VAV2: variants seen among roughly 807,000 people sequenced by gnomAD.
VAV2 encodes the protein vav guanine nucleotide exchange factor 2.
Under a neutral mutation model 132.5 loss-of-function variants are expected in VAV2, and 67 were observed. That is an observed-to-expected ratio of 0.51 (90% CI 0.42 to 0.62). The LOEUF (loss-of-function observed/expected upper bound fraction) is 0.62. VAV2 is among the 20% of genes least tolerant of loss of function. VAV2 has a pLI of 0.00. For synonymous variants in VAV2, 492 were observed against 443.5 expected, an observed-to-expected ratio of 1.11 and a Z score of -1.37; for missense variants, 938 against 1,153.6, an observed-to-expected ratio of 0.81 and a Z score of 2.71.
At chr9:133,973,615 G>A (rs1479833649) in intron 1 of VAV2, among the ~76,000 whole-genome samples, 1 of 147,008 alleles carries the variant, frequency 6.8e-6, no homozygotes, top group Non-Finnish European at 1.5e-5. Flanking sequence ...TACAGAGAAG[G>A]AAGATGACTT....
At chr9:133,869,544 A>T (rs1164715199) in intron 2 of VAV2, among the ~76,000 whole-genome samples, 5 of 152,278 alleles carry the variant, frequency 3.3e-5, no homozygotes, top group Non-Finnish European at 7.4e-5. Context: ...CAGGAGGTCG[A>T]AGCTGCAGTG....
In VAV2 at chr9:133,804,321, G is replaced by T. The variant is rs1056953692; in HGVS notation, c.836+1760C>A. Among the ~76,000 whole-genome samples, 5 of 152,236 alleles carry T rather than the reference G, an allele frequency of 3.3e-5. No homozygotes were observed. Among genetic ancestry groups the T allele is most frequent in the Admixed American group, 3.3e-4 (5 of 15,290 alleles). On this transcript the variant is annotated intron_variant, in intron 9 of 29. Transcript: ENST00000371850. This position sits in a 1 kb window ranked among gnomAD's most constrained non-coding sequence, Gnocchi z 4.5. The stretch of plus-strand genomic sequence containing the variant: ...CCCCGACTGACGGATCTCGCCACAC[G>T]CCTCGCTGCCAGGGACGGAGCTGCC...
chr9:133,871,059 G>A (rs1838014911), intron 2 of VAV2, among the ~76,000 whole-genome samples: 1 of 149,208 alleles, frequency 6.7e-6, no homozygotes, highest in African/African-American at 2.5e-5. Context: ...TAGATGAGTG[G>A]GTGGGTGAAT....
At chr9:133,871,629 CCT>C (rs1838060057) in intron 2 of VAV2, among the ~76,000 whole-genome samples, 4 of 152,094 alleles carry the variant, frequency 2.6e-5, no homozygotes. Flanking sequence ...TACCTATCTC[CCT>C]GAGTCCCTAA....
rs1840553670 is a variant in VAV2, at chr9:133,928,312, C to T, written c.321+10791G>A. On this transcript the variant is annotated intron_variant, in intron 2 of 29. Coordinates refer to ENST00000371850, the MANE Select transcript of VAV2 (RefSeq NM_001134398.2). This position sits in a 1 kb window ranked among gnomAD's most constrained non-coding sequence, Gnocchi z 5.4. ...GAATAACGTCCTGAAATGACAACAA[C>T]TAGCAGATAAAAGAGGAAATGTTTT... Among the ~76,000 whole-genome samples, 1 of 152,144 alleles carries T rather than the reference C, an allele frequency of 6.6e-6. No individual in the cohort carries two copies. The highest frequency in any genetic ancestry group is 1.5e-5 in the Non-Finnish European group (1 of 68,038).
chr9:133,899,778 T>C (rs942568920), intron 2 of VAV2, among the ~76,000 whole-genome samples: 1 of 148,718 alleles, frequency 6.7e-6, no homozygotes, highest in Middle Eastern at 3.4e-3. Context: ...TCCCAGCACT[T>C]TGGGAGGCCG....
rs1839910898 is a variant in VAV2, at chr9:133,912,253, A to G, written c.321+26850T>C. Among the ~76,000 whole-genome samples, 1 of 152,206 alleles carries G rather than the reference A, an allele frequency of 6.6e-6. No individual in the cohort carries two copies. The highest frequency in any genetic ancestry group is 2.4e-5 in the African/African-American group (1 of 41,452). ...TGTTTTAGTACAAAACAGACAAACC[A>G]GAAACCTACGGCATCAGGACACCGT... On this transcript the variant is annotated intron_variant, in intron 2 of 29. Coordinates refer to ENST00000371850, the MANE Select transcript of VAV2 (RefSeq NM_001134398.2). The surrounding 1 kb of genome is among the most constrained non-coding windows in gnomAD (Gnocchi z 4.3).
intron 4 of VAV2, among the ~76,000 whole-genome samples, chr9:133,812,581 A>T (rs1419340183): frequency 3.3e-5 from 5 of 151,820 alleles, no homozygotes; most frequent in Non-Finnish European, 2.9e-5. Context: ...ACCTGACAGG[A>T]GCCCCCAGCT....
chr9:133,923,073 T>C (rs115678047), intron 2 of VAV2, among the ~76,000 whole-genome samples: 106 of 152,278 alleles, frequency 7.0e-4, no homozygotes, highest in African/African-American at 2.5e-3. Flanking sequence ...GTAAACCTGG[T>C]CAACAAGCAC....
At chr9:133,806,859 T>C (rs1199807702) in intron 8 of VAV2, among the ~76,000 whole-genome samples, 2 of 152,188 alleles carry the variant, frequency 1.3e-5, no homozygotes, top group Admixed American at 1.3e-4. Context: ...GCTAACCACG[T>C]CTAGGTGACT....
At chr9:133,955,958 G>A (rs970168634) in intron 1 of VAV2, among the ~76,000 whole-genome samples, 9 of 150,468 alleles carry the variant, frequency 6.0e-5, no homozygotes, top group Admixed American at 1.3e-4. Flanking sequence ...CCCCCGCTCC[G>A]GGGAGCTCTC....
chr9:133,869,359 A>T (rs1187843725), intron 2 of VAV2, among the ~76,000 whole-genome samples: 1 of 151,954 alleles, frequency 6.6e-6, no homozygotes, highest in Non-Finnish European at 1.5e-5. Context: ...CAATCTCAGC[A>T]CTCTGGGAGG....
chr9:133,874,931 G>T (rs530130512), intron 2 of VAV2, among the ~76,000 whole-genome samples: 1 of 152,166 alleles, frequency 6.6e-6, no homozygotes, highest in Non-Finnish European at 1.5e-5. Flanking sequence ...GGAAACATGC[G>T]TCCAGAACCC....
At chr9:133,985,385 G>A (rs751723761) in intron 1 of VAV2, among the ~76,000 whole-genome samples, 6 of 152,092 alleles carry the variant, frequency 3.9e-5, no homozygotes, top group Admixed American at 6.5e-5. Context: ...GGGTTCAAGC[G>A]ATTCTCCTAC....
chr9:133,929,416 GGTGCT>G (rs1471157534), intron 2 of VAV2, among the ~76,000 whole-genome samples: 1 of 152,164 alleles, frequency 6.6e-6, no homozygotes, highest in East Asian at 1.9e-4. Flanking sequence ...AGGGTGCTGG[GGTGCT>G]GTGCTGACAG....
At chr9:133,904,319 C>G (rs2519789) in intron 2 of VAV2, among the ~76,000 whole-genome samples, 114,074 of 152,226 alleles carry the variant, frequency 0.75, 43,521 homozygotes, top group East Asian at 0.93. Context: ...TAAAAAGACA[C>G]AGAAGAATCC....
At chr9:133,780,105 C>T in intron 20 of VAV2, 166 bp from the exon 21 acceptor site, 1 of 864,994 alleles carries the variant, frequency 1.2e-6, no homozygotes. Context: ...ACGCCCCCAC[C>T]CTGGCAATAT....
At chr9:133,862,132 C>T (rs1341167092) in intron 2 of VAV2, among the ~76,000 whole-genome samples, 2 of 152,242 alleles carry the variant, frequency 1.3e-5, no homozygotes, top group African/African-American at 4.8e-5. Context: ...GCTCCTCCTC[C>T]CTCTGCTCCC....
intron 2 of VAV2, among the ~76,000 whole-genome samples, chr9:133,866,716 G>A (rs965615366): frequency 6.6e-6 from 1 of 150,984 alleles, no homozygotes; most frequent in Admixed American, 6.6e-5. Flanking sequence ...TGAGGCAGGA[G>A]AATGGCTTGA....
Sources: allele counts gnomAD v4.1 joint callset (sites outside exome capture counted in the v4.1 genomes callset), GRCh38; gene constraint gnomAD v4.1.1; non-coding constraint Gnocchi (gnomAD v3.1); transcripts MANE v1.5; gene names NCBI Gene and HGNC (gene_info 2026-07-23, HGNC 2026-07-21).